EPHA7: variants seen among roughly 807,000 people sequenced by gnomAD.
The protein encoded by EPHA7 is ephrin type-A receptor 7.
Under a neutral mutation model 112.6 loss-of-function variants are expected in EPHA7, and 25 were observed. The ratio of observed to expected loss-of-function variants is 0.22; its 90% CI spans 0.16 to 0.31. The LOEUF is 0.31. EPHA7 is among the 10% of genes least tolerant of loss of function. The pLI is 1.00. For synonymous variants in EPHA7, 437 were observed against 406.5 expected (o/e 1.07, Z -0.90); for missense variants, 962 against 1,212.6 (o/e 0.79, Z 3.07).
chr6:93,276,379 A>G (rs1047253918), intron 5 of EPHA7, among the ~76,000 whole-genome samples: 1 of 152,054 alleles, frequency 6.6e-6, no homozygotes, highest in African/African-American at 2.4e-5. Context: ...ACAGAAATCA[A>G]TAATTCAGTC....
chr6:93,296,304 T>C (rs1053552277), intron 5 of EPHA7, among the ~76,000 whole-genome samples: 6 of 151,142 alleles, frequency 4.0e-5, no homozygotes, highest in Admixed American at 2.0e-4. Context: ...CCAAAGGGAA[T>C]GAAATTACCA....
intron 5 of EPHA7, among the ~76,000 whole-genome samples, chr6:93,286,813 G>C (rs1020209290): frequency 1.3e-5 from 2 of 152,144 alleles, no homozygotes; most frequent in African/African-American, 4.8e-5. Flanking sequence ...TCCAGGACCA[G>C]ACAGCTGTGG....
intron 14 of EPHA7, among the ~76,000 whole-genome samples, chr6:93,252,950 C>T (rs1770279159): frequency 6.6e-6 from 1 of 151,858 alleles, no homozygotes; most frequent in Non-Finnish European, 1.5e-5. Flanking sequence ...AAACAAAAAA[C>T]AATACTTAAC....
At position 93,410,435 on chromosome 6, in the gene EPHA7, G is replaced by C; in HGVS notation, c.832+66C>G. ...TTCACGTATTCAAATAACTATTAAA[G>C]TTTAAAATGTCTGATACTGAAATTT... On this transcript the variant is annotated intron_variant, in intron 3 of 16. Coordinates refer to ENST00000369303, the MANE Select transcript of EPHA7 (RefSeq NM_004440.4). The surrounding 1 kb of genome is among the most constrained non-coding windows in gnomAD (Gnocchi z 4.0). 2 of 1,419,270 alleles carry C rather than the reference G, an allele frequency of 1.4e-6. No homozygotes were observed. Among genetic ancestry groups the C allele is most frequent in the Non-Finnish European group, 1.9e-6 (2 of 1,036,722 alleles). 87.9% of individuals were successfully genotyped at this position (1,419,270 alleles called of 1,614,324 possible). A position where few individuals can be genotyped will look rare whatever the true frequency, so the allele number is the denominator to read the frequency against.
chr6:93,307,341 T>A (rs1562085333), intron 5 of EPHA7, among the ~76,000 whole-genome samples: 1 of 152,180 alleles, frequency 6.6e-6, no homozygotes, highest in Non-Finnish European at 1.5e-5. Context: ...AAGAAAGCTT[T>A]GAATGTATTT....
intron 5 of EPHA7, among the ~76,000 whole-genome samples, chr6:93,317,863 G>T (rs1773885975): frequency 6.6e-6 from 1 of 152,074 alleles, no homozygotes; most frequent in Non-Finnish European, 1.5e-5. Flanking sequence ...GAGAGATAAA[G>T]CAGCTTATCT....
In EPHA7 at chr6:93,241,196, T is replaced by G. The variant is rs1262562078; in HGVS notation, c.*2230A>C. 4.7e-6 allele frequency: 1 copy of G among 214,476 alleles called. No homozygotes were observed. Among genetic ancestry groups the G allele is most frequent in the East Asian group, 6.9e-5 (1 of 14,398 alleles). The allele number at this position is 214,476 out of a possible 1,614,324, so 13.3% of individuals were successfully genotyped here. A position where few individuals can be genotyped will look rare whatever the true frequency, so the allele number is the denominator to read the frequency against. On this transcript the variant is annotated 3_prime_UTR_variant, in exon 17 of 17. Transcript: ENST00000369303. Reference sequence around the variant, plus strand: ...CTTCTATTTCTAGAATGGCTTTTGTTAATTTAATTTTAATAGAAAAAATAA... The same window carrying G: ...CTTCTATTTCTAGAATGGCTTTTGTGAATTTAATTTTAATAGAAAAAATAA...
chr6:93,296,599 G>GA (rs954168864), intron 5 of EPHA7, among the ~76,000 whole-genome samples: 4 of 151,172 alleles, frequency 2.6e-5, no homozygotes, highest in African/African-American at 9.7e-5. Context: ...GGTACATAAA[G>GA]AAAAATATTG....
At chr6:93,252,858 T>C (rs1049068645) in intron 14 of EPHA7, among the ~76,000 whole-genome samples, 2 of 151,984 alleles carry the variant, frequency 1.3e-5, no homozygotes, top group African/African-American at 4.8e-5. Context: ...AACTGCACAA[T>C]AGACATAATT....
At chr6:93,247,366 G>C (rs1769999775) in intron 14 of EPHA7, among the ~76,000 whole-genome samples, 1 of 152,138 alleles carries the variant, frequency 6.6e-6, no homozygotes, top group South Asian at 2.1e-4. Context: ...AGTTGTAAAA[G>C]GAATTTGAGT....
intron 1 of EPHA7, 117 bp downstream of exon 1, chr6:93,419,128 G>T: frequency 1.4e-6 from 1 of 737,700 alleles, no homozygotes; most frequent in Non-Finnish European, 2.0e-6. Flanking sequence ...GGGAGCCGGC[G>T]GGGGAGGGTC....
At chr6:93,418,057 AAC>A (rs901505581) in intron 1 of EPHA7, among the ~76,000 whole-genome samples, 3 of 152,024 alleles carry the variant, frequency 2.0e-5, no homozygotes, top group Non-Finnish European at 2.9e-5. Flanking sequence ...TAAATTTCAT[AAC>A]AGATTCCTCT....
At chr6:93,413,665 C>T (rs1779085762) in intron 2 of EPHA7, among the ~76,000 whole-genome samples, 3 of 151,828 alleles carry the variant, frequency 2.0e-5, no homozygotes, top group African/African-American at 7.2e-5. Flanking sequence ...ATAACCAATA[C>T]AGATAACCAC....
At chr6:93,417,121 C>G (rs1384280459) in intron 1 of EPHA7, among the ~76,000 whole-genome samples, 1 of 152,196 alleles carries the variant, frequency 6.6e-6, no homozygotes, top group African/African-American at 2.4e-5. Flanking sequence ...TGCACTTTGC[C>G]TTCAAGCGTC....
intron 3 of EPHA7, among the ~76,000 whole-genome samples, chr6:93,397,721 G>T (rs949640913): frequency 6.6e-6 from 1 of 151,710 alleles, no homozygotes; most frequent in Non-Finnish European, 1.5e-5. Context: ...TGCCCTTTAG[G>T]TTTATATGAA....
In EPHA7 at chr6:93,331,795, G is replaced by A. The variant is rs146717331; in HGVS notation, c.1324+24922C>T. ...CAATTAATTATTTCTTCAAAGATACGTACTTTCTATTTTTCAGCTACTATT... is the reference window on the plus strand; with the variant it reads ...CAATTAATTATTTCTTCAAAGATACATACTTTCTATTTTTCAGCTACTATT... On this transcript the variant is annotated intron_variant, in intron 5 of 16. Transcript: ENST00000369303. Among the ~76,000 whole-genome samples, 1,120 of 151,484 alleles carry A rather than the reference G, an allele frequency of 7.4e-3. 10 individuals carry two copies. The highest frequency in any genetic ancestry group is 0.023 in the South Asian group (113 of 4,814).
intron 5 of EPHA7, among the ~76,000 whole-genome samples, chr6:93,334,437 A>G (rs1280170668): frequency 6.6e-6 from 1 of 152,032 alleles, no homozygotes; most frequent in Non-Finnish European, 1.5e-5. Flanking sequence ...AGAAACTATC[A>G]AGAGAGTAAA....
At chr6:93,366,307 C>T (rs561226979) in intron 3 of EPHA7, among the ~76,000 whole-genome samples, 3 of 152,270 alleles carry the variant, frequency 2.0e-5, no homozygotes, top group South Asian at 4.1e-4. Flanking sequence ...TACTAGCATA[C>T]AATTGGGGCA....
At chr6:93,359,954 C>T (rs1776177612) in intron 3 of EPHA7, among the ~76,000 whole-genome samples, 1 of 151,544 alleles carries the variant, frequency 6.6e-6, no homozygotes, top group Non-Finnish European at 1.5e-5. Flanking sequence ...GGGCTACAAC[C>T]ATCTCATTGT....
Sources: allele counts gnomAD v4.1 joint callset (sites outside exome capture counted in the v4.1 genomes callset), GRCh38; gene constraint gnomAD v4.1.1; non-coding constraint Gnocchi (gnomAD v3.1); transcripts MANE v1.5; gene names NCBI Gene and HGNC (gene_info 2026-07-23, HGNC 2026-07-21).